The following PHACTR1 variants were observed in gnomAD, a reference collection of about 807,000 sequenced individuals.
The protein encoded by PHACTR1 is phosphatase and actin regulator 1.
A neutral mutation model predicts 69.2 loss-of-function variants in PHACTR1; 16 were observed. The observed-to-expected ratio is 0.23, with a 90% confidence interval of 0.16 to 0.35. PHACTR1 has a LOEUF of 0.35. PHACTR1 is among the 10% of genes least tolerant of loss of function. PHACTR1 has a pLI of 1.00. For missense variants in PHACTR1, 510 were observed against 734.7 expected, an observed-to-expected ratio of 0.69 and a Z score of 3.54; for synonymous variants, 312 against 284.5, an observed-to-expected ratio of 1.10 and a Z score of -0.97.
intron 5 of PHACTR1, among the ~76,000 whole-genome samples, chr6:13,111,990 T>A: frequency 6.6e-6 from 1 of 152,184 alleles, no homozygotes; most frequent in Non-Finnish European, 1.5e-5. Context: ...TTAAGCCTAG[T>A]ACCTGTTAGT....
chr6:13,287,041 A>T (rs780885684), intron 14 of PHACTR1, 22 bp from the exon 15 acceptor site: 207 of 1,606,914 alleles, frequency 1.3e-4, no homozygotes, highest in Non-Finnish European at 1.7e-4. Context: ...CTTGGTCTTG[A>T]TGTAATTGTT....
intron 5 of PHACTR1, among the ~76,000 whole-genome samples, chr6:13,087,738 T>C (rs572731596): frequency 1.3e-5 from 2 of 152,046 alleles, no homozygotes; most frequent in African/African-American, 4.8e-5. Context: ...TTTGACCTCC[T>C]GGGCTCAGGT....
chr6:13,063,521 C>A (rs1195497761), intron 5 of PHACTR1, among the ~76,000 whole-genome samples: 1 of 152,010 alleles, frequency 6.6e-6, no homozygotes, highest in Non-Finnish European at 1.5e-5. Flanking sequence ...TGCCTGTAAT[C>A]CCAGCACTTT....
rs531245257 is a variant in PHACTR1 at position 12,925,273 on chromosome 6, C to T, written c.251-128092C>T. Among the ~76,000 whole-genome samples, 3 of 152,298 alleles carry T rather than the reference C, an allele frequency of 2.0e-5. No homozygotes were observed. In the East Asian group the frequency reaches 5.8e-4, roughly 29 times the overall value. On this transcript the variant is annotated intron_variant, in intron 4 of 14. Coordinates refer to ENST00000332995, the MANE Select transcript of PHACTR1 (RefSeq NM_030948.6). ...CAACATGGTTATGTTGTGATATTAGCTATAGGTTCAAAGTAAATTTTTTTC... is the reference window on the plus strand; with the variant it reads ...CAACATGGTTATGTTGTGATATTAGTTATAGGTTCAAAGTAAATTTTTTTC...
intron 5 of PHACTR1, among the ~76,000 whole-genome samples, chr6:13,128,778 T>C: frequency 6.6e-6 from 1 of 152,094 alleles, no homozygotes; most frequent in Non-Finnish European, 1.5e-5. Flanking sequence ...GATCTAGACA[T>C]CCAAATACAA....
chr6:12,857,611 A>AAT (rs1245038820), intron 4 of PHACTR1, among the ~76,000 whole-genome samples: 1 of 151,590 alleles, frequency 6.6e-6, no homozygotes, highest in Non-Finnish European at 1.5e-5. Flanking sequence ...TAAAAAAAAA[A>AAT]AAAAATTCTC....
chr6:12,911,839 C>T (rs937123330), intron 4 of PHACTR1, among the ~76,000 whole-genome samples: 3 of 152,124 alleles, frequency 2.0e-5, no homozygotes, highest in Non-Finnish European at 4.4e-5. Context: ...AAGTCTTCTC[C>T]ACCACCAACT....
At position 13,209,779 on chromosome 6, in the gene PHACTR1, G is replaced by A. The variant is rs192594158; in HGVS notation, c.986+3643G>A. On this transcript the variant is annotated intron_variant, in intron 8 of 14. Transcript: ENST00000332995. ...GCCTGCTTCATTGTCAAGAAGGTCT[G>A]ACTGTTAGAAAGTTCCCTCTCTATT... Among the ~76,000 whole-genome samples the A allele has an allele frequency of 3.3e-4, 51 of 152,306 alleles. No individual in the cohort carries two copies. In the East Asian group the frequency reaches 6.9e-3, roughly 21 times the overall value.
At chr6:13,087,011 A>G (rs1289756272) in intron 5 of PHACTR1, among the ~76,000 whole-genome samples, 1 of 151,886 alleles carries the variant, frequency 6.6e-6, no homozygotes, top group Non-Finnish European at 1.5e-5. Context: ...ATAATGACTA[A>G]TGAGCATCTT....
At chr6:13,034,373 G>T (rs1802969882) in intron 4 of PHACTR1, among the ~76,000 whole-genome samples, 2 of 152,148 alleles carry the variant, frequency 1.3e-5, no homozygotes, top group African/African-American at 2.4e-5. Flanking sequence ...CTCAATAAAT[G>T]GTTGTTGAAT....
At chr6:13,262,714 G>A (rs1055230470) in intron 10 of PHACTR1, among the ~76,000 whole-genome samples, 5 of 151,194 alleles carry the variant, frequency 3.3e-5, no homozygotes, top group African/African-American at 1.2e-4. Flanking sequence ...ATCCCACCAA[G>A]CCCATCTACA....
At chr6:13,276,680 G>C (rs968314660) in intron 11 of PHACTR1, among the ~76,000 whole-genome samples, 17 of 152,134 alleles carry the variant, frequency 1.1e-4, no homozygotes, top group Non-Finnish European at 1.9e-4. Context: ...GCTGAGGCAG[G>C]AGAATCGCTT....
intron 8 of PHACTR1, among the ~76,000 whole-genome samples, chr6:13,207,803 T>A (rs1766163068): frequency 6.6e-6 from 1 of 152,064 alleles, no homozygotes; most frequent in Non-Finnish European, 1.5e-5. Flanking sequence ...GTCCTACAGA[T>A]GGAAAATGGC....
chr6:13,245,424 A>T lies in PHACTR1; in HGVS notation c.1391+15231A>T, dbSNP rs1291584589. ...ATTTGCATTTCTCTAATAATTAATG[A>T]TGTTGAGCATTTTTTCATGTTTGTT... On this transcript the variant is annotated intron_variant, in intron 10 of 14. Coordinates refer to ENST00000332995, the MANE Select transcript of PHACTR1 (RefSeq NM_030948.6). This position sits in a 1 kb window ranked among gnomAD's most constrained non-coding sequence, Gnocchi z 4.1. 6.6e-6 allele frequency among the ~76,000 whole-genome samples: 1 copy of T among 152,180 alleles called. No individual in the cohort carries two copies. The highest frequency in any genetic ancestry group is 2.4e-5 in the African/African-American group (1 of 41,426).
chr6:13,257,915 A>C (rs1775397209), intron 10 of PHACTR1, among the ~76,000 whole-genome samples: 1 of 152,192 alleles, frequency 6.6e-6, no homozygotes, highest in African/African-American at 2.4e-5. Context: ...CTTCTGATTC[A>C]GTAGCTCCGG....
intron 4 of PHACTR1, among the ~76,000 whole-genome samples, chr6:12,774,798 T>C (rs1207824324): frequency 6.6e-6 from 1 of 152,180 alleles, no homozygotes; most frequent in East Asian, 1.9e-4. Flanking sequence ...ACACATTACT[T>C]CTGATAGTCA....
intron 5 of PHACTR1, among the ~76,000 whole-genome samples, chr6:13,125,582 A>G (rs2127954634): frequency 6.6e-6 from 1 of 152,378 alleles, no homozygotes; most frequent in South Asian, 2.1e-4. Context: ...AAAAAATTAA[A>G]GAATTTAAAT....
chr6:13,125,566 A>T (rs1819405781), intron 5 of PHACTR1, among the ~76,000 whole-genome samples: 1 of 152,208 alleles, frequency 6.6e-6, no homozygotes, highest in South Asian at 2.1e-4. Context: ...ACTCTTAAAA[A>T]TTCATAAAAA....
chr6:12,816,009 G>T (rs1045007708), intron 4 of PHACTR1, among the ~76,000 whole-genome samples: 19 of 152,180 alleles, frequency 1.2e-4, no homozygotes, highest in Non-Finnish European at 2.8e-4. Context: ...GCAAGAGAAA[G>T]TTAACTCACT....
Sources: gnomAD v4.1 joint callset for allele counts (sites outside exome capture counted in the v4.1 genomes callset) on GRCh38, gnomAD v4.1.1 for gene constraint, Gnocchi (gnomAD v3.1) non-coding constraint, MANE v1.5 for transcripts, NCBI Gene and HGNC (gene_info 2026-07-23, HGNC 2026-07-21) for gene names.